UNC13C: variants seen among roughly 807,000 people sequenced by gnomAD.
UNC13C encodes protein unc-13 homolog C.
A neutral mutation model predicts 245.4 loss-of-function variants in UNC13C; 174 were observed. That is an observed-to-expected ratio of 0.71 (90% CI 0.63 to 0.80). UNC13C has a LOEUF of 0.80. Among genes scored for constraint, UNC13C ranks in the 30% least tolerant of loss-of-function variants. The probability of loss-of-function intolerance (pLI) is 0.00; values close to 1 mark genes in which losing one functional copy is unlikely to be tolerated. For synonymous variants in UNC13C, 992 were observed against 895.1 expected, an observed-to-expected ratio of 1.11 and a Z score of -1.93; for missense variants, 2,829 against 2,602.9, an observed-to-expected ratio of 1.09 and a Z score of -1.89.
rs1359969817 is a variant in UNC13C at position 54,555,518 on chromosome 15, A to G, written c.5958+6A>G. 6.2e-7 allele frequency: 1 copy of G among 1,608,172 alleles called. No individual in the cohort carries two copies. The highest frequency in any genetic ancestry group is 8.5e-7 in the Non-Finnish European group (1 of 1,175,986). Reference sequence around the variant, plus strand: ...TAGTCCTGGCTACCATCAAGGTGAGATTATAATGCTCCTATATATACATCG... The same window carrying G: ...TAGTCCTGGCTACCATCAAGGTGAGGTTATAATGCTCCTATATATACATCG... On this transcript the variant is annotated splice_donor_region_variant and intron_variant, in intron 29 of 32. Transcript: ENST00000260323.
At chr15:54,398,682 G>C (rs2040120494) in intron 18 of UNC13C, among the ~76,000 whole-genome samples, 1 of 151,064 alleles carries the variant, frequency 6.6e-6, no homozygotes, top group Non-Finnish European at 1.5e-5. Context: ...CTAAATTTAG[G>C]TTTTTGTAGT....
At chr15:54,256,547 T>C (rs1170531581) in intron 8 of UNC13C, among the ~76,000 whole-genome samples, 1 of 152,212 alleles carries the variant, frequency 6.6e-6, no homozygotes, top group Non-Finnish European at 1.5e-5. Context: ...CATGATGAAA[T>C]CTGCCATCCT....
At chr15:54,149,700 C>T (rs1003372109) in intron 4 of UNC13C, among the ~76,000 whole-genome samples, 2 of 152,154 alleles carry the variant, frequency 1.3e-5, no homozygotes, top group Non-Finnish European at 2.9e-5. Flanking sequence ...TTTAATGACT[C>T]TTGTTTTTCT....
intron 16 of UNC13C, among the ~76,000 whole-genome samples, chr15:54,336,068 T>A (rs571115956): frequency 2.7e-4 from 41 of 152,222 alleles, no homozygotes; most frequent in Non-Finnish European, 5.4e-4. Context: ...TGATTTTCTA[T>A]CTGAATATCT....
At position 54,226,377 on chromosome 15, in the gene UNC13C, G is replaced by T. The variant is rs554511803; in HGVS notation, c.3072-8653G>T. ...GCCTGGAGTAGTTTCAGAAGAAATG[G>T]TACCACCTCTTTTCTGTACCTCTGG... On this transcript the variant is annotated intron_variant, in intron 4 of 32. Coordinates refer to ENST00000260323, the MANE Select transcript of UNC13C (RefSeq NM_001080534.3). Among the ~76,000 whole-genome samples, 8 of 152,292 alleles carry T rather than the reference G, an allele frequency of 5.3e-5. No individual in the cohort carries two copies. The East Asian group carries it at 1.4e-3, about 26-fold the overall frequency.
the UNC13C span, among the ~76,000 whole-genome samples, chr15:53,907,043 G>T: frequency 6.6e-6 from 1 of 152,198 alleles, no homozygotes; most frequent in East Asian, 1.9e-4. Context: ...GATGAGAGTT[G>T]GGTGGGGACA....
At chr15:54,004,587 C>T (rs930062235) in intron 1 of UNC13C, among the ~76,000 whole-genome samples, 2 of 152,190 alleles carry the variant, frequency 1.3e-5, no homozygotes, top group Admixed American at 6.5e-5. Context: ...AACCTTCAAA[C>T]TGTTCTCCAT....
chr15:54,208,381 T>C (rs929537878), intron 4 of UNC13C, among the ~76,000 whole-genome samples: 1 of 152,120 alleles, frequency 6.6e-6, no homozygotes, highest in Non-Finnish European at 1.5e-5. Context: ...AATGTGCGTA[T>C]GTAGCTATAA....
chr15:54,345,763 C>T lies in UNC13C; in HGVS notation c.4713+7274C>T, dbSNP rs556410426. Among the ~76,000 whole-genome samples, 7 of 152,226 alleles carry T rather than the reference C, an allele frequency of 4.6e-5. No homozygotes were observed. The South Asian group carries it at 1.5e-3, about 32-fold the overall frequency. On this transcript the variant is annotated intron_variant, in intron 17 of 32. Transcript: ENST00000260323. ...CTATTTATAACTCTGGACCAGCTCC[C>T]CATTTACTCAGAGGATGAAGTCCAG...
At chr15:54,140,360 A>G (rs2031956181) in intron 2 of UNC13C, among the ~76,000 whole-genome samples, 1 of 152,222 alleles carries the variant, frequency 6.6e-6, no homozygotes, top group Non-Finnish European at 1.5e-5. Context: ...AGAAATGGTT[A>G]TTAGTCATCT....
Position 54,185,366 on chromosome 15 carries a change from A to G in UNC13C, c.3071+41682A>G, listed in dbSNP as rs555674944. On this transcript the variant is annotated intron_variant, in intron 4 of 32. Transcript: ENST00000260323. ...TGCCCATGCCTATGTCCTGAATGGT[A>G]TTGCCTAGGTTTTCTTCTAGGGTTT... 7.0e-3 allele frequency among the ~76,000 whole-genome samples: 1,058 copies of G among 151,752 alleles called. 9 individuals carry two copies. The highest frequency in any genetic ancestry group is 8.5e-3 in the Non-Finnish European group (577 of 67,990).
At chr15:54,273,418 T>G (rs1037438838) in intron 10 of UNC13C, among the ~76,000 whole-genome samples, 1 of 152,296 alleles carries the variant, frequency 6.6e-6, no homozygotes, top group Non-Finnish European at 1.5e-5. Flanking sequence ...TGATCACTAC[T>G]CAATAGATTT....
intron 7 of UNC13C, among the ~76,000 whole-genome samples, chr15:54,242,274 T>C (rs1327347579): frequency 6.6e-6 from 1 of 152,164 alleles, no homozygotes; most frequent in Non-Finnish European, 1.5e-5. Flanking sequence ...CACCTGAATA[T>C]GGTACTTATT....
At chr15:53,964,424 G>C in the UNC13C span, among the ~76,000 whole-genome samples, 1 of 152,132 alleles carries the variant, frequency 6.6e-6, no homozygotes, top group Non-Finnish European at 1.5e-5. Flanking sequence ...CTTGCACAGA[G>C]CTATCCCTAT....
chr15:54,134,769 A>G (rs1307349558), intron 2 of UNC13C, among the ~76,000 whole-genome samples: 2 of 152,158 alleles, frequency 1.3e-5, no homozygotes, highest in African/African-American at 2.4e-5. Flanking sequence ...ATAATTCTGC[A>G]GTGAATATGG....
the UNC13C span, among the ~76,000 whole-genome samples, chr15:53,959,540 T>G: frequency 3.9e-5 from 6 of 152,166 alleles, no homozygotes; most frequent in African/African-American, 1.4e-4. Context: ...GTCATCTTAG[T>G]TTAACTCTGT....
chr15:54,015,412 T>A lies in UNC13C; in HGVS notation c.2509T>A (p.Ser837Thr), dbSNP rs367567925. ...SSLMGRFRTLSQSTANESSTT... is the reference protein window; with the variant it reads ...SSLMGRFRTLTQSTANESSTT... Reference sequence around the variant, plus strand: ...ATTAATGGGGAGATTTCGGACATTATCTCAATCAACTGCAAATGAGTCAAG... The same window carrying A: ...ATTAATGGGGAGATTTCGGACATTAACTCAATCAACTGCAAATGAGTCAAG... The change falls in exon 2 of 33, where the codon TCT becomes ACT. Residue 837 changes from serine (S) to threonine (T), a missense_variant. Transcript: ENST00000260323. The A allele has an allele frequency of 1.2e-5, 20 of 1,613,606 alleles. No homozygotes were observed. Among genetic ancestry groups the A allele is most frequent in the Non-Finnish European group, 1.4e-5 (17 of 1,179,834 alleles).
At chr15:54,164,791 A>T (rs1467439796) in intron 4 of UNC13C, among the ~76,000 whole-genome samples, 1 of 152,194 alleles carries the variant, frequency 6.6e-6, no homozygotes, top group Non-Finnish European at 1.5e-5. Flanking sequence ...GGACAGTTCT[A>T]TGGCTTCTAA....
chr15:54,218,503 AT>A (rs1224054264), intron 4 of UNC13C, among the ~76,000 whole-genome samples: 1 of 151,988 alleles, frequency 6.6e-6, no homozygotes, highest in Non-Finnish European at 1.5e-5. Context: ...GAAGTGTGGA[AT>A]AGTATGATGC....
Sources: gnomAD v4.1 joint callset for allele counts (sites outside exome capture counted in the v4.1 genomes callset) on GRCh38, gnomAD v4.1.1 for gene constraint, MANE v1.5 for transcripts, NCBI Gene and HGNC (gene_info 2026-07-23, HGNC 2026-07-21) for gene names.